The following NTMT1 variants were observed in gnomAD, a reference collection of about 807,000 sequenced individuals.
NTMT1 encodes the protein N-terminal Xaa-Pro-Lys N-methyltransferase 1.
In NTMT1, 8 loss-of-function variants were observed where a neutral mutation model predicts 17.5. That is an observed-to-expected ratio of 0.46 (90% CI 0.27 to 0.82). The LOEUF is 0.82. Among genes scored for constraint, NTMT1 ranks in the 40% least tolerant of loss-of-function variants. The pLI is 0.15. For synonymous variants in NTMT1, 128 were observed against 126.8 expected (o/e 1.01, Z -0.06); for missense variants, 221 against 303.5 (o/e 0.73, Z 2.02).
rs1440004005 is a variant in NTMT1 at position 129,635,511 on chromosome 9, G to A, written c.*47G>A. ...TGAGGAACCACAGTCCTGGTGGGGG[G>A]AGCTGGCAGCTGGGCAAGATCCAGG... On this transcript the variant is annotated 3_prime_UTR_variant, in exon 4 of 4. Coordinates refer to ENST00000372483, the MANE Select transcript of NTMT1 (RefSeq NM_014064.4). 1.3e-6 allele frequency: 2 copies of A among 1,574,334 alleles called. No homozygotes were observed. Among genetic ancestry groups the A allele is most frequent in the South Asian group, 2.3e-5 (2 of 86,202 alleles).
intron 3 of NTMT1, chr9:129,634,552 G>T: frequency 2.2e-6 from 1 of 450,492 alleles, no homozygotes; most frequent in Non-Finnish European, 3.9e-6. Flanking sequence ...TTTGGGTGCA[G>T]TTTTTTGTTG....
At chr9:129,634,597 A>T in intron 3 of NTMT1, 1 of 370,326 alleles carries the variant, frequency 2.7e-6, no homozygotes, top group South Asian at 5.6e-5. Context: ...TACTGCATTC[A>T]AAGTGAGGAG....
chr9:129,621,299 T>C (rs1032870380), upstream of NTMT1, among the ~76,000 whole-genome samples: 2 of 152,162 alleles, frequency 1.3e-5, no homozygotes, highest in Non-Finnish European at 2.9e-5. Flanking sequence ...CAGCCCCCAT[T>C]CTGATTCAGT....
rs751493011 is a variant in NTMT1, at chr9:129,620,544, G to C, written c.-55+11366G>C. On this transcript the variant is annotated intron_variant, in intron 1 of 3. Coordinates refer to the NTMT1 transcript ENST00000372486. This position sits in a 1 kb window ranked among gnomAD's most constrained non-coding sequence, Gnocchi z 5.8. ...GGGAGCCCCTTGGGCGCCAGGTCCTGGGCCCCTGGGCGAAGTCGACGCCAG... is the reference window on the plus strand; with the variant it reads ...GGGAGCCCCTTGGGCGCCAGGTCCTCGGCCCCTGGGCGAAGTCGACGCCAG... 5 of 1,406,266 alleles carry C rather than the reference G, an allele frequency of 3.6e-6. No homozygotes were observed. Among genetic ancestry groups the C allele is most frequent in the African/African-American group, 3.0e-5 (2 of 67,474 alleles). The allele number at this position is 1,406,266 out of a possible 1,614,324, so 87.1% of individuals were successfully genotyped here. A position where few individuals can be genotyped will look rare whatever the true frequency, so the allele number is the denominator to read the frequency against.
At chr9:129,619,434 T>TAC in intron 1 of NTMT1, 1 of 940,758 alleles carries the variant, frequency 1.1e-6, no homozygotes, top group African/African-American at 1.6e-5. Flanking sequence ...GATAAATGAA[T>TAC]ACATTCATGG....
chr9:129,610,305 C>G (rs1434775259), intron 1 of NTMT1, among the ~76,000 whole-genome samples: 5 of 148,900 alleles, frequency 3.4e-5, no homozygotes, highest in Non-Finnish European at 7.5e-5. Context: ...GCCCCGCCCC[C>G]CCCCCACCGG....
upstream of NTMT1, among the ~76,000 whole-genome samples, chr9:129,625,123 G>A (rs1830847828): frequency 6.6e-6 from 1 of 152,130 alleles, no homozygotes; most frequent in Non-Finnish European, 1.5e-5. Flanking sequence ...CTTCTGACAG[G>A]AGACTGAAGC....
chr9:129,619,704 A>C, intron 1 of NTMT1: 1 of 1,612,356 alleles, frequency 6.2e-7, no homozygotes, highest in Non-Finnish European at 8.5e-7. Flanking sequence ...CATCGATGGC[A>C]ACCCCGTCCC....
At chr9:129,612,269 G>C (rs1830130169) in intron 1 of NTMT1, 1 of 1,246,272 alleles carries the variant, frequency 8.0e-7, no homozygotes, top group Admixed American at 2.0e-5. Flanking sequence ...CCTGGGATGT[G>C]CCTTTATTTG....
intron 1 of NTMT1, chr9:129,619,717 C>A (rs761678064): frequency 6.2e-7 from 1 of 1,613,428 alleles, no homozygotes; most frequent in Non-Finnish European, 8.5e-7. Context: ...CCCGTCCCCA[C>A]CAAGAAGCGG....
upstream of NTMT1, among the ~76,000 whole-genome samples, chr9:129,622,566 A>C (rs1830766023): frequency 1.3e-5 from 2 of 152,140 alleles, no homozygotes; most frequent in Non-Finnish European, 2.9e-5. Context: ...CATTTCTTTC[A>C]GGCAGTCTCA....
chr9:129,619,785 G>A, intron 1 of NTMT1: 1 of 1,614,076 alleles, frequency 6.2e-7, no homozygotes, highest in Middle Eastern at 1.7e-4. Flanking sequence ...CGGAGACCCT[G>A]GGCAGTGCTC....
chr9:129,624,625 GTAT>G (rs1205964417), upstream of NTMT1, among the ~76,000 whole-genome samples: 3 of 152,142 alleles, frequency 2.0e-5, no homozygotes, highest in Non-Finnish European at 4.4e-5. Context: ...CACCAGGATA[GTAT>G]TATTATTATT....
In NTMT1 at chr9:129,613,348, T is replaced by C. The variant is rs1830179417; in HGVS notation, c.-55+4170T>C. On this transcript the variant is annotated intron_variant, in intron 1 of 3. Coordinates refer to the NTMT1 transcript ENST00000372486. This position sits in a 1 kb window ranked among gnomAD's most constrained non-coding sequence, Gnocchi z 6.2. The stretch of plus-strand genomic sequence containing the variant: ...TGAGGACCCACACTGGCAACCCGCC[T>C]GCTGCTGGGTGGGGAGGTCTGTAGG... 6.4e-7 allele frequency: 1 copy of C among 1,571,136 alleles called. No homozygotes were observed. The highest frequency in any genetic ancestry group is 1.2e-5 in the South Asian group (1 of 85,508).
chr9:129,619,417 A>G, intron 1 of NTMT1: 2 of 811,072 alleles, frequency 2.5e-6, no homozygotes, highest in Non-Finnish European at 4.0e-6. Flanking sequence ...GAATGGGTAG[A>G]TAGGTGGATA....
chr9:129,617,008 A>G (rs1162092439), intron 1 of NTMT1, among the ~76,000 whole-genome samples: 1 of 152,136 alleles, frequency 6.6e-6, no homozygotes, highest in African/African-American at 2.4e-5. Context: ...TAGAGGTTGC[A>G]GTGAGCCGAG....
chr9:129,635,554 G>C lies in NTMT1; in HGVS notation c.*90G>C. The C allele has an allele frequency of 2.1e-6, 3 of 1,456,318 alleles. No individual in the cohort carries two copies. The highest frequency in any genetic ancestry group is 2.8e-6 in the Non-Finnish European group (3 of 1,075,652). The allele number at this position is 1,456,318 out of a possible 1,614,324, so 90.2% of individuals were successfully genotyped here. A position where few individuals can be genotyped will look rare whatever the true frequency, so the allele number is the denominator to read the frequency against. On this transcript the variant is annotated 3_prime_UTR_variant, in exon 4 of 4. Coordinates refer to ENST00000372483, the MANE Select transcript of NTMT1 (RefSeq NM_014064.4). The stretch of plus-strand genomic sequence containing the variant: ...GATCCAGGCGCCACGCTGGCGGTTC[G>C]TGAGTGTCGAGGCACCACTAAATAT...
upstream of NTMT1, chr9:129,626,068 G>C (rs1346107693): frequency 6.6e-6 from 1 of 152,062 alleles, no homozygotes; most frequent in Middle Eastern, 3.2e-3. Context: ...GTTAAATCCG[G>C]AGCCCGCGCG....
chr9:129,619,916 C>T, intron 1 of NTMT1: 2 of 1,524,748 alleles, frequency 1.3e-6, no homozygotes, highest in Admixed American at 3.5e-5. Context: ...GCAGACCAGC[C>T]CTCAAGGACG....
Sources: allele counts gnomAD v4.1 joint callset (sites outside exome capture counted in the v4.1 genomes callset), GRCh38; gene constraint gnomAD v4.1.1; non-coding constraint Gnocchi (gnomAD v3.1); transcripts MANE v1.5; gene names NCBI Gene and HGNC (gene_info 2026-07-23, HGNC 2026-07-21).